DMD: variants seen among roughly 807,000 people sequenced by gnomAD.
The protein encoded by DMD is mutant dystrophin.
In DMD, 63 loss-of-function variants were observed where a neutral mutation model predicts 330.1. That is an observed-to-expected ratio of 0.19 (90% CI 0.16 to 0.24). DMD has a LOEUF of 0.24. Ranked by LOEUF, DMD falls within the 10% of genes least tolerant of loss-of-function variation. The pLI, the probability that DMD is intolerant of heterozygous loss-of-function variation, is 1.00. For synonymous variants in DMD, 1,223 were observed against 959.8 expected (o/e 1.27, Z -5.07); for missense variants, 3,344 against 2,684.1 (o/e 1.25, Z -5.43).
At chrX:31,912,939 T>C (rs1440851357) in intron 47 of DMD, among the ~76,000 whole-genome samples, 6 of 112,829 alleles carry the variant, frequency 5.3e-5, no homozygotes, top group Non-Finnish European at 1.1e-4. Flanking sequence ...TGGTGCTTGT[T>C]CTTTTGGAAG....
At chrX:31,667,019 G>A (rs1363565078) in intron 53 of DMD, among the ~76,000 whole-genome samples, 1 of 111,934 alleles carries the variant, frequency 8.9e-6, no homozygotes, top group East Asian at 2.8e-4. Context: ...TAATTTTCTG[G>A]TTCTTAATGT....
At chrX:33,318,933 A>C (rs1461368237) in intron 1 of DMD, among the ~76,000 whole-genome samples, 1 of 111,269 alleles carries the variant, frequency 9.0e-6, no homozygotes, top group Non-Finnish European at 1.9e-5. Flanking sequence ...CCAAAATTTA[A>C]ATGTTGAAAG....
At chrX:33,010,144 G>A (rs1362721424) in intron 2 of DMD, among the ~76,000 whole-genome samples, 1 of 99,646 alleles carries the variant, frequency 1.0e-5, no homozygotes, top group African/African-American at 3.8e-5. Flanking sequence ...ATATATACGT[G>A]TATATATACA....
At chrX:33,215,979 A>G (rs898547342), upstream of DMD, among the ~76,000 whole-genome samples, 3 of 111,639 alleles carry the variant, frequency 2.7e-5, no homozygotes, top group Admixed American at 9.5e-5. Context: ...TTATTCTTTT[A>G]GCTTAAGATT....
intron 40 of DMD, 88 bp downstream of exon 40, chrX:32,343,046 C>T: frequency 3.1e-6 from 3 of 960,191 alleles, no homozygotes; most frequent in Non-Finnish European, 4.5e-6. Flanking sequence ...TTAATAGAAA[C>T]AAGAACATCA....
intron 9 of DMD, among the ~76,000 whole-genome samples, chrX:32,683,253 G>A (rs763580644): frequency 9.0e-6 from 1 of 110,547 alleles, no homozygotes; most frequent in Non-Finnish European, 1.9e-5. Flanking sequence ...CAGGGATCTA[G>A]AACTAGAAAT....
At chrX:31,501,604 CT>C (rs1200816049) in intron 56 of DMD, among the ~76,000 whole-genome samples, 2 of 111,750 alleles carry the variant, frequency 1.8e-5, no homozygotes, top group African/African-American at 6.5e-5. Flanking sequence ...CTTTAAGGAA[CT>C]CCTCAGTGTC....
chrX:32,817,306 T>TGTACA (rs199917516), intron 5 of DMD, among the ~76,000 whole-genome samples: 2,662 of 111,885 alleles, frequency 0.024, 72 homozygotes, highest in African/African-American at 0.08. Flanking sequence ...GAAATATTTA[T>TGTACA]CCCTAAGAGG....
chrX:31,169,727 T>C (rs1282706169), intron 73 of DMD, 126 bp from the exon 74 acceptor site: 4 of 641,000 alleles, frequency 6.2e-6, no homozygotes, highest in East Asian at 7.1e-5. Flanking sequence ...AGACCTTTTT[T>C]CCTGCTTCTA....
intron 7 of DMD, among the ~76,000 whole-genome samples, chrX:32,780,488 AG>A (rs1569519307): frequency 8.9e-6 from 1 of 112,182 alleles, no homozygotes; most frequent in Non-Finnish European, 1.9e-5. Flanking sequence ...GTTTTAGCAT[AG>A]TTAATATTTT....
intron 7 of DMD, among the ~76,000 whole-genome samples, chrX:32,774,629 T>C (rs777060829): frequency 4.5e-5 from 5 of 110,791 alleles, no homozygotes; most frequent in Non-Finnish European, 9.4e-5. Context: ...CCATCAGAAC[T>C]TGTGAGAACT....
chrX:32,634,944 C>T (rs1304960102), intron 11 of DMD, among the ~76,000 whole-genome samples: 4 of 111,724 alleles, frequency 3.6e-5, no homozygotes, highest in African/African-American at 1.3e-4. Flanking sequence ...GTGGCCTAGA[C>T]TACCTTTGAA....
chrX:31,593,476 T>A (rs1037499618), intron 55 of DMD, among the ~76,000 whole-genome samples: 13 of 111,558 alleles, frequency 1.2e-4, no homozygotes, highest in Non-Finnish European at 7.6e-5. Flanking sequence ...AATGAAACTT[T>A]ACTCAATTGA....
Position 32,163,694 on chromosome X carries a change from C to A in DMD, c.6438+53222G>T, listed in dbSNP as rs1448159286. ...AATAAGGCATAGATTGTGTTAATAT[C>A]AATTTCCTGGTTTTTATATTGTGCA... On this transcript the variant is annotated intron_variant, in intron 44 of 78. Transcript: ENST00000357033. Among the ~76,000 whole-genome samples, 10 of 111,435 alleles carry A rather than the reference C, an allele frequency of 9.0e-5. 1 individual carries two copies. Among genetic ancestry groups the A allele is most frequent in the Non-Finnish European group, 3.8e-5 (2 of 53,107 alleles).
intron 29 of DMD, among the ~76,000 whole-genome samples, chrX:32,415,851 A>G (rs1389392574): frequency 8.9e-6 from 1 of 112,511 alleles, no homozygotes; most frequent in Admixed American, 9.4e-5. Context: ...GAAAATTAAA[A>G]CTAAGTAAAA....
At chrX:32,780,007 A>G (rs1253683971) in intron 7 of DMD, among the ~76,000 whole-genome samples, 1 of 111,844 alleles carries the variant, frequency 8.9e-6, no homozygotes, top group Non-Finnish European at 1.9e-5. Context: ...CTTCTCCCAT[A>G]CAAGCCTGAT....
intron 62 of DMD, among the ~76,000 whole-genome samples, chrX:31,314,708 TCA>T (rs1019299819): frequency 2.3e-5 from 2 of 87,441 alleles, no homozygotes; most frequent in African/African-American, 9.1e-5. Flanking sequence ...TACAATGCAC[TCA>T]CAGTCTATTT....
chrX:32,581,789 T>C (rs191177738), intron 13 of DMD, among the ~76,000 whole-genome samples: 31 of 111,925 alleles, frequency 2.8e-4, no homozygotes, highest in Admixed American at 1.9e-4. Context: ...ATCACTTTCA[T>C]GGACGTAAAG....
At chrX:31,853,893 T>C (rs1260743915) in intron 48 of DMD, among the ~76,000 whole-genome samples, 1 of 112,140 alleles carries the variant, frequency 8.9e-6, no homozygotes, top group East Asian at 2.8e-4. Context: ...GCCTCTGGGA[T>C]GCATAAGGCT....
Sources: allele counts gnomAD v4.1 joint callset (sites outside exome capture counted in the v4.1 genomes callset), GRCh38; gene constraint gnomAD v4.1.1; transcripts MANE v1.5; gene names NCBI Gene and HGNC (gene_info 2026-07-23, HGNC 2026-07-21).